Variants in PTCSC3 observed in about 807,000 individuals in gnomAD.
The protein encoded by PTCSC3 is papillary thyroid carcinoma susceptibility candidate 3 (non-protein coding).
chr14:36,141,320 T>A (rs1181801976), intron 3 of PTCSC3, among the ~76,000 whole-genome samples: 1 of 152,194 alleles, frequency 6.6e-6, no homozygotes, highest in Non-Finnish European at 1.5e-5. Context: ...TAGATCAAGT[T>A]GGGGATAACT....
At chr14:36,169,975 G>A (rs561183439) in intron 1 of PTCSC3, among the ~76,000 whole-genome samples, 1 of 152,218 alleles carries the variant, frequency 6.6e-6, no homozygotes, top group East Asian at 1.9e-4. Context: ...AGGACCATAA[G>A]CTCTAGAACG....
intron 2 of PTCSC3, among the ~76,000 whole-genome samples, chr14:36,155,756 G>C (rs986481091): frequency 2.0e-5 from 3 of 152,070 alleles, no homozygotes; most frequent in African/African-American, 7.2e-5. Context: ...GTATCTTTTA[G>C]TGGTTGGTTG....
intron 3 of PTCSC3, among the ~76,000 whole-genome samples, chr14:36,152,533 A>G (rs1881745603): frequency 6.6e-6 from 1 of 152,174 alleles, no homozygotes; most frequent in Non-Finnish European, 1.5e-5. Context: ...ACAAATAAGA[A>G]CTTAATATTC....
intron 1 of PTCSC3, among the ~76,000 whole-genome samples, chr14:36,163,762 T>C (rs1265315889): frequency 6.6e-6 from 1 of 152,208 alleles, no homozygotes; most frequent in Admixed American, 6.5e-5. Flanking sequence ...CGAATCCTCC[T>C]TTGTCAAGCT....
At chr14:36,146,853 G>T (rs1000114180) in intron 3 of PTCSC3, among the ~76,000 whole-genome samples, 1 of 149,718 alleles carries the variant, frequency 6.7e-6, no homozygotes, top group Non-Finnish European at 1.5e-5. Context: ...TTTAGGGCAG[G>T]CCTGGTGGTG....
chr14:36,170,289 A>C (rs1882168231), intron 1 of PTCSC3, among the ~76,000 whole-genome samples: 1 of 152,114 alleles, frequency 6.6e-6, no homozygotes, highest in South Asian at 2.1e-4. Context: ...GAATGAGTTC[A>C]AACCGATTTC....
chr14:36,142,797 TCCCTCCC>T (rs1298459047), intron 3 of PTCSC3, among the ~76,000 whole-genome samples: 1 of 115,774 alleles, frequency 8.6e-6, no homozygotes, highest in African/African-American at 3.3e-5. Flanking sequence ...CCCAATGCTA[TCCCTCCC>T]CCCTCCCCCC....
At chr14:36,176,483 A>G (rs1293297460), upstream of PTCSC3, 1 of 151,958 alleles carries the variant, frequency 6.6e-6, no homozygotes, top group African/African-American at 2.4e-5. Context: ...TTCCTCTTTC[A>G]GTTATGAATT....
chr14:36,134,892 T>A (rs917524778), downstream of PTCSC3, among the ~76,000 whole-genome samples: 14 of 152,252 alleles, frequency 9.2e-5, no homozygotes, highest in African/African-American at 3.1e-4. Flanking sequence ...AAAGGCTGTT[T>A]ATGGGCAGGG....
At chr14:36,163,056 A>T (rs1882003016) in intron 1 of PTCSC3, among the ~76,000 whole-genome samples, 1 of 151,728 alleles carries the variant, frequency 6.6e-6, no homozygotes, top group African/African-American at 2.4e-5. Flanking sequence ...CTGAAGCAAG[A>T]GTACTTGTCT....
chr14:36,174,731 G>A (rs1882252366), intron 1 of PTCSC3, among the ~76,000 whole-genome samples: 1 of 152,192 alleles, frequency 6.6e-6, no homozygotes, highest in African/African-American at 2.4e-5. Flanking sequence ...TGTGTCTCCT[G>A]TATAAATCTT....
intron 1 of PTCSC3, chr14:36,165,040 C>T (rs1882057608): frequency 6.6e-6 from 1 of 152,186 alleles, no homozygotes; most frequent in African/African-American, 2.4e-5. Flanking sequence ...GGGGAATAAC[C>T]TCATTATGCA....
chr14:36,145,413 A>T (rs1259532307), intron 3 of PTCSC3, among the ~76,000 whole-genome samples: 1 of 150,394 alleles, frequency 6.6e-6, no homozygotes, highest in Non-Finnish European at 1.5e-5. Context: ...TGAGGAATTT[A>T]TCCATTTCTT....
At chr14:36,167,150 G>A (rs952031051) in intron 1 of PTCSC3, among the ~76,000 whole-genome samples, 12 of 152,202 alleles carry the variant, frequency 7.9e-5, no homozygotes, top group African/African-American at 2.7e-4. Flanking sequence ...CCCAGCAATA[G>A]TGAGTGCAAA....
At chr14:36,145,286 G>A (rs1261532841) in intron 3 of PTCSC3, among the ~76,000 whole-genome samples, 1 of 150,910 alleles carries the variant, frequency 6.6e-6, no homozygotes, top group Non-Finnish European at 1.5e-5. Context: ...AATCCATCTG[G>A]TCCTGGACTC....
At chr14:36,137,474 G>C (rs1881313736) in intron 3 of PTCSC3, among the ~76,000 whole-genome samples, 2 of 152,154 alleles carry the variant, frequency 1.3e-5, no homozygotes, top group South Asian at 4.1e-4. Flanking sequence ...TGTGTGCATT[G>C]GAGAAGGGGG....
chr14:36,149,039 C>T (rs1295349477), intron 3 of PTCSC3, among the ~76,000 whole-genome samples: 1 of 151,670 alleles, frequency 6.6e-6, no homozygotes, highest in East Asian at 1.9e-4. Context: ...CTTCTGCTTG[C>T]TTTAAGGTTA....
intron 2 of PTCSC3, among the ~76,000 whole-genome samples, chr14:36,154,066 C>CG (rs1555331288): frequency 3.8e-5 from 3 of 78,258 alleles, no homozygotes; most frequent in Admixed American, 1.2e-4. Flanking sequence ...GACCCTGTCT[C>CG]GAAAAAAAAA....
At position 36,169,989 on chromosome 14, in the gene PTCSC3, A is replaced by G. The variant is rs966516939; in HGVS notation, n.171+6309T>C. Among the ~76,000 whole-genome samples the G allele has an allele frequency of 2.0e-5, 3 of 152,098 alleles. 1 individual carries two copies. Among genetic ancestry groups the G allele is most frequent in the Admixed American group, 2.0e-4 (3 of 15,254 alleles). On this transcript the variant is annotated intron_variant and non_coding_transcript_variant, in intron 1 of 3. Transcript: ENST00000556013. ...TAGGACCATAAGCTCTAGAACGTTG[A>G]ACTGTGTCTGGAAATAACCATGTGT...
Sources: gnomAD v4.1 joint callset for allele counts (sites outside exome capture counted in the v4.1 genomes callset) on GRCh38, gnomAD v4.1.1 for gene constraint, MANE v1.5 for transcripts, NCBI Gene and HGNC (gene_info 2026-07-23, HGNC 2026-07-21) for gene names.